The following PTPRM variants were observed in gnomAD, a reference collection of about 807,000 sequenced individuals.
PTPRM encodes the protein protein tyrosine phosphatase receptor type M.
In PTPRM, 47 loss-of-function variants were observed where a neutral mutation model predicts 186.7. The ratio of observed to expected loss-of-function variants is 0.25; its 90% CI spans 0.20 to 0.32. The LOEUF is 0.32. Among genes scored for constraint, PTPRM ranks in the 10% least tolerant of loss-of-function variants. The pLI is 1.00. For missense variants in PTPRM, 1,494 were observed against 1,865.0 expected (o/e 0.80, Z 3.66); for synonymous variants, 668 against 674.9 (o/e 0.99, Z 0.16).
At chr18:8,270,602 C>T (rs2094758929) in intron 19 of PTPRM, among the ~76,000 whole-genome samples, 1 of 152,044 alleles carries the variant, frequency 6.6e-6, no homozygotes, top group Non-Finnish European at 1.5e-5. Flanking sequence ...ATGGAAACAA[C>T]CTAAATGTTT....
intron 17 of PTPRM, among the ~76,000 whole-genome samples, chr18:8,250,246 AGCTGGATG>A (rs1248107434): frequency 6.6e-6 from 1 of 152,120 alleles, no homozygotes; most frequent in Non-Finnish European, 1.5e-5. Context: ...ATGGTTGGAT[AGCTGGATG>A]GATGGATGGA....
At chr18:8,059,164 C>A (rs1219947510) in intron 7 of PTPRM, among the ~76,000 whole-genome samples, 3 of 150,984 alleles carry the variant, frequency 2.0e-5, no homozygotes, top group Non-Finnish European at 4.4e-5. Flanking sequence ...TGAAGAGGTC[C>A]TTCACATCCC....
chr18:8,063,281 T>G (rs1297838672), intron 7 of PTPRM, among the ~76,000 whole-genome samples: 2 of 151,006 alleles, frequency 1.3e-5, no homozygotes, highest in Non-Finnish European at 2.9e-5. Flanking sequence ...CCCCTTGCGC[T>G]TCCCAGGTGA....
At chr18:8,361,937 G>A (rs559160930) in intron 23 of PTPRM, among the ~76,000 whole-genome samples, 11 of 152,216 alleles carry the variant, frequency 7.2e-5, no homozygotes, top group African/African-American at 1.7e-4. Flanking sequence ...AAAGAATATC[G>A]TGTGTGTGTT....
chr18:7,732,221 C>T (rs918122433), intron 1 of PTPRM, among the ~76,000 whole-genome samples: 30 of 152,188 alleles, frequency 2.0e-4, no homozygotes, highest in Admixed American at 2.0e-3. Flanking sequence ...CCAGCCCTGG[C>T]CATCACATCC....
intron 1 of PTPRM, among the ~76,000 whole-genome samples, chr18:7,649,931 A>G (rs2038657317): frequency 6.6e-6 from 1 of 151,886 alleles, no homozygotes; most frequent in African/African-American, 2.4e-5. Context: ...AAATTAAGGT[A>G]TGTACATTTT....
In PTPRM at chr18:7,661,242, G is replaced by A. The variant is rs114271056; in HGVS notation, c.73+93351G>A. On this transcript the variant is annotated intron_variant, in intron 1 of 32. Coordinates refer to ENST00000580170, the MANE Select transcript of PTPRM (RefSeq NM_001105244.2). ...CTAACACTCAGAATATTCATATTAC[G>A]AGCTAATGTGGCACTGATGTGACTT... Among the ~76,000 whole-genome samples the A allele has an allele frequency of 3.6e-3, 544 of 152,164 alleles. 3 individuals carry two copies. The highest frequency in any genetic ancestry group is 0.012 in the African/African-American group (518 of 41,498).
At chr18:7,762,931 C>CAT (rs1345293925) in intron 1 of PTPRM, among the ~76,000 whole-genome samples, 2 of 152,186 alleles carry the variant, frequency 1.3e-5, no homozygotes, top group Admixed American at 6.5e-5. Flanking sequence ...TACACTTTCA[C>CAT]ATACACCTCT....
At chr18:7,862,128 A>C (rs1437586792) in intron 2 of PTPRM, among the ~76,000 whole-genome samples, 1 of 152,236 alleles carries the variant, frequency 6.6e-6, no homozygotes, top group African/African-American at 2.4e-5. Flanking sequence ...GCATAAATGC[A>C]TAACATAAAA....
intron 1 of PTPRM, among the ~76,000 whole-genome samples, chr18:7,624,443 T>C (rs910862890): frequency 2.0e-5 from 3 of 152,282 alleles, no homozygotes; most frequent in African/African-American, 7.2e-5. Flanking sequence ...ACCTTTTTCT[T>C]GTCGTGTATC....
At chr18:7,994,992 A>G (rs1011895596) in intron 7 of PTPRM, among the ~76,000 whole-genome samples, 3 of 152,114 alleles carry the variant, frequency 2.0e-5, no homozygotes, top group African/African-American at 7.2e-5. Context: ...AATGAAATGG[A>G]GACAAAAATA....
intron 8 of PTPRM, among the ~76,000 whole-genome samples, chr18:8,074,710 A>G (rs1243701606): frequency 6.6e-6 from 1 of 152,046 alleles, no homozygotes; most frequent in Non-Finnish European, 1.5e-5. Flanking sequence ...TTTTTGGAGA[A>G]CTGTTTATTC....
intron 13 of PTPRM, among the ~76,000 whole-genome samples, chr18:8,119,463 A>G (rs779367572): frequency 1.3e-5 from 2 of 152,300 alleles, no homozygotes; most frequent in Middle Eastern, 3.4e-3. Flanking sequence ...GAGAAAACCA[A>G]TTATATAGCA....
At chr18:8,123,713 C>G (rs943992389) in intron 13 of PTPRM, among the ~76,000 whole-genome samples, 13 of 152,154 alleles carry the variant, frequency 8.5e-5, no homozygotes, top group African/African-American at 2.9e-4. Flanking sequence ...AAGTCCTCCC[C>G]TCTAAAACCT....
intron 12 of PTPRM, among the ~76,000 whole-genome samples, 187 bp downstream of exon 12, chr18:8,113,946 C>CTTTTT (rs35576891): frequency 0.013 from 1,855 of 146,714 alleles, 13 homozygotes; most frequent in Middle Eastern, 0.025. Context: ...ATATACTCAT[C>CTTTTT]TTTTTTTTTT....
At chr18:8,149,905 A>G (rs2098786307) in intron 14 of PTPRM, among the ~76,000 whole-genome samples, 1 of 152,150 alleles carries the variant, frequency 6.6e-6, no homozygotes, top group Non-Finnish European at 1.5e-5. Context: ...CTTCACTATG[A>G]AGCTTAGTTT....
intron 14 of PTPRM, among the ~76,000 whole-genome samples, chr18:8,162,371 G>A (rs932371728): frequency 5.3e-5 from 8 of 152,202 alleles, no homozygotes; most frequent in Admixed American, 1.3e-4. Context: ...AAAGTGCTGG[G>A]ATTATGGGCA....
intron 4 of PTPRM, among the ~76,000 whole-genome samples, chr18:7,925,783 T>C (rs1645502226): frequency 6.6e-6 from 1 of 152,232 alleles, no homozygotes; most frequent in African/African-American, 2.4e-5. Context: ...AGAATTTTCA[T>C]AAAATTTAAG....
At chr18:7,954,595 C>T (rs1241016697) in intron 6 of PTPRM, among the ~76,000 whole-genome samples, 1 of 152,062 alleles carries the variant, frequency 6.6e-6, no homozygotes, top group East Asian at 1.9e-4. Flanking sequence ...TGAAGACATT[C>T]TCAATAAGGA....
Sources: allele counts gnomAD v4.1 joint callset (sites outside exome capture counted in the v4.1 genomes callset), GRCh38; gene constraint gnomAD v4.1.1; transcripts MANE v1.5; gene names NCBI Gene and HGNC (gene_info 2026-07-23, HGNC 2026-07-21).